The following PDGFC variants were observed in gnomAD, a reference collection of about 807,000 sequenced individuals.
The protein encoded by PDGFC is platelet-derived growth factor C.
PDGFC carries 12 observed loss-of-function variants against 35.5 expected under a neutral mutation model. The ratio of observed to expected loss-of-function variants is 0.34; its 90% CI spans 0.22 to 0.55. The LOEUF is 0.55. PDGFC is among the 20% of genes least tolerant of loss of function. PDGFC has a pLI of 0.91. For missense variants in PDGFC, 322 were observed against 412.4 expected, an observed-to-expected ratio of 0.78 and a Z score of 1.90; for synonymous variants, 159 against 148.8, an observed-to-expected ratio of 1.07 and a Z score of -0.50.
chr4:156,835,278 G>T (rs1293974364), intron 2 of PDGFC, among the ~76,000 whole-genome samples: 1 of 152,072 alleles, frequency 6.6e-6, no homozygotes, highest in Non-Finnish European at 1.5e-5. Context: ...TTATTAAAAA[G>T]CACAAAATAA....
intron 1 of PDGFC, among the ~76,000 whole-genome samples, chr4:156,964,460 CA>C: frequency 6.8e-6 from 1 of 147,060 alleles, no homozygotes; most frequent in East Asian, 2.0e-4. Flanking sequence ...ATATATAGTA[CA>C]TATATATACA....
chr4:156,769,089 G>GCATAT (rs1730622286), intron 4 of PDGFC, among the ~76,000 whole-genome samples: 1 of 150,744 alleles, frequency 6.6e-6, no homozygotes, highest in East Asian at 1.9e-4. Context: ...ATGCCTTCAG[G>GCATAT]GTTTTTTTCT....
chr4:156,890,072 A>G (rs745670782), intron 1 of PDGFC, among the ~76,000 whole-genome samples: 3 of 151,966 alleles, frequency 2.0e-5, no homozygotes, highest in Non-Finnish European at 4.4e-5. Context: ...AAATATCTAC[A>G]CCTTGTTAGT....
chr4:156,967,463 C>T (rs1323385898), intron 1 of PDGFC: 3 of 152,098 alleles, frequency 2.0e-5, no homozygotes, highest in East Asian at 1.9e-4. Flanking sequence ...TAAGACCAAC[C>T]GTAGCGAAGA....
rs558980404 is a variant in PDGFC, at chr4:156,762,949, A to G, written c.*141T>C. 79 of 574,460 alleles carry G rather than the reference A, an allele frequency of 1.4e-4. No homozygotes were observed. The highest frequency in any genetic ancestry group is 1.4e-3 in the African/African-American group (74 of 54,674). The allele number at this position is 574,460 out of a possible 1,614,324, so 35.6% of individuals were successfully genotyped here. On this transcript the variant is annotated 3_prime_UTR_variant, in exon 6 of 6. Coordinates refer to ENST00000502773, the MANE Select transcript of PDGFC (RefSeq NM_016205.3). ...AATTCTGTTTGATGTCTCCTCTTTC[A>G]GAATGCACTGTAAATCCTGAAGATG...
chr4:156,876,705 CT>C (rs1380945869), intron 1 of PDGFC: 118 of 152,250 alleles, frequency 7.8e-4, no homozygotes, highest in African/African-American at 2.8e-3. Context: ...ACAGCAGTCT[CT>C]TCTTCATAAT....
chr4:156,841,692 G>C (rs1560836605), intron 2 of PDGFC, among the ~76,000 whole-genome samples: 1 of 151,818 alleles, frequency 6.6e-6, no homozygotes, highest in Non-Finnish European at 1.5e-5. Flanking sequence ...TTTTGGTAGA[G>C]ACAGGGTTTT....
At chr4:156,901,379 T>C (rs1730778834) in intron 1 of PDGFC, among the ~76,000 whole-genome samples, 1 of 152,018 alleles carries the variant, frequency 6.6e-6, no homozygotes, top group Admixed American at 6.5e-5. Context: ...GAAGGATTAA[T>C]ATGAAGAGGG....
chr4:156,802,687 A>G (rs1731647394), intron 3 of PDGFC, among the ~76,000 whole-genome samples: 1 of 152,132 alleles, frequency 6.6e-6, no homozygotes, highest in Non-Finnish European at 1.5e-5. Flanking sequence ...GGTAACCAGT[A>G]TTTATACTCT....
chr4:156,937,183 G>A (rs911660015), intron 1 of PDGFC, among the ~76,000 whole-genome samples: 1 of 152,126 alleles, frequency 6.6e-6, no homozygotes, highest in Non-Finnish European at 1.5e-5. Flanking sequence ...CATTTCTGAA[G>A]AAAAGGATAT....
intron 1 of PDGFC, among the ~76,000 whole-genome samples, chr4:156,914,309 CCTT>C (rs1731108096): frequency 6.6e-6 from 1 of 152,110 alleles, no homozygotes; most frequent in Non-Finnish European, 1.5e-5. Context: ...TGTGTTGCCT[CCTT>C]CTCCTATCCC....
chr4:156,798,990 G>A (rs889715364), intron 3 of PDGFC, among the ~76,000 whole-genome samples: 5 of 152,142 alleles, frequency 3.3e-5, no homozygotes, highest in African/African-American at 1.2e-4. Context: ...TATGTCCAAT[G>A]CCTACCTCAG....
chr4:156,762,157 G>A lies in PDGFC; in HGVS notation c.*933C>T, dbSNP rs1182487362. On this transcript the variant is annotated 3_prime_UTR_variant, in exon 6 of 6. Coordinates refer to ENST00000502773, the MANE Select transcript of PDGFC (RefSeq NM_016205.3). ...GATTAATCTAACTCTAGCACCATAC[G>A]AGAATGAAATACATGTATTTTTGTC... The A allele has an allele frequency of 5.9e-5, 9 of 152,622 alleles. No individual in the cohort carries two copies. The highest frequency in any genetic ancestry group is 2.1e-4 in the South Asian group (1 of 4,828). 9.5% of individuals were successfully genotyped at this position (152,622 alleles called of 1,614,324 possible).
chr4:156,833,224 T>C lies in PDGFC; in HGVS notation c.314+16997A>G, dbSNP rs1174169648. Among the ~76,000 whole-genome samples, 4 of 152,234 alleles carry C rather than the reference T, an allele frequency of 2.6e-5. No homozygotes were observed. The East Asian group carries it at 7.7e-4, about 29-fold the overall frequency. ...TTAATAAGATTTTGTTTCTTTCTTGTTTCACAAGCATAGATATCTCCGGCT... is the reference window on the plus strand; with the variant it reads ...TTAATAAGATTTTGTTTCTTTCTTGCTTCACAAGCATAGATATCTCCGGCT... On this transcript the variant is annotated intron_variant, in intron 2 of 5. Coordinates refer to ENST00000502773, the MANE Select transcript of PDGFC (RefSeq NM_016205.3).
intron 1 of PDGFC, among the ~76,000 whole-genome samples, chr4:156,915,010 A>T (rs1731125043): frequency 6.6e-6 from 1 of 152,192 alleles, no homozygotes; most frequent in South Asian, 2.1e-4. Flanking sequence ...TTGGGTGACT[A>T]TGGAAACCTC....
intron 3 of PDGFC, chr4:156,779,220 A>G (rs1730914391): frequency 4.4e-6 from 2 of 454,516 alleles, no homozygotes; most frequent in South Asian, 3.1e-5. Context: ...GCCTTTCCCT[A>G]TGTTCTTATC....
chr4:156,850,523 G>A lies in PDGFC; in HGVS notation c.119-107C>T, dbSNP rs1729428798. ...TTTACCTCAGACAAGTGCTGAGTGT[G>A]TTTTATATGATATATGCCAAATACC... On this transcript the variant is annotated intron_variant, in intron 1 of 5. Coordinates refer to ENST00000502773, the MANE Select transcript of PDGFC (RefSeq NM_016205.3). 24 of 538,356 alleles carry A rather than the reference G, an allele frequency of 4.5e-5. No homozygotes were observed. The East Asian group carries it at 5.8e-4, about 13-fold the overall frequency. The allele number at this position is 538,356 out of a possible 1,614,324, so 33.3% of individuals were successfully genotyped here. A position where few individuals can be genotyped will look rare whatever the true frequency, so the allele number is the denominator to read the frequency against.
At chr4:156,813,360 CT>C (rs548133714) in intron 2 of PDGFC, among the ~76,000 whole-genome samples, 1 of 151,962 alleles carries the variant, frequency 6.6e-6, no homozygotes, top group Non-Finnish European at 1.5e-5. Flanking sequence ...ATAACTAAAG[CT>C]TTTTTTGGGT....
intron 2 of PDGFC, among the ~76,000 whole-genome samples, chr4:156,845,480 T>G (rs1164659782): frequency 6.6e-6 from 1 of 151,858 alleles, no homozygotes; most frequent in Non-Finnish European, 1.5e-5. Context: ...AATTCCCTCC[T>G]GGCTATCTAA....
Sources: allele counts gnomAD v4.1 joint callset (sites outside exome capture counted in the v4.1 genomes callset), GRCh38; gene constraint gnomAD v4.1.1; transcripts MANE v1.5; gene names NCBI Gene and HGNC (gene_info 2026-07-23, HGNC 2026-07-21).